The following WBP2NL variants were observed in gnomAD, a reference collection of about 807,000 sequenced individuals.
WBP2NL encodes the protein postacrosomal sheath WW domain-binding protein.
In WBP2NL, 27 loss-of-function variants were observed where a neutral mutation model predicts 23.3. The ratio of observed to expected loss-of-function variants is 1.16; its 90% CI spans 0.85 to 1.60. The LOEUF (loss-of-function observed/expected upper bound fraction) is 1.60. Among genes scored for constraint, WBP2NL ranks in the 40% most tolerant of loss-of-function variants. WBP2NL has a pLI of 0.00. For missense variants in WBP2NL, 370 were observed against 389.5 expected (o/e 0.95, Z 0.42); for synonymous variants, 151 against 145.9 (o/e 1.03, Z -0.25).
chr22:42,032,685 C>T (rs1298350419), downstream of WBP2NL: 1 of 458,348 alleles, frequency 2.2e-6, no homozygotes, highest in African/African-American at 2.0e-5. Flanking sequence ...CTGGCCTTTG[C>T]CTTGAGAGTC....
At chr22:42,011,082 C>T (rs1001187685) in intron 1 of WBP2NL, among the ~76,000 whole-genome samples, 5 of 152,134 alleles carry the variant, frequency 3.3e-5, no homozygotes, top group Non-Finnish European at 7.4e-5. Flanking sequence ...GAGATACTGA[C>T]CTGCAATTTT....
At chr22:42,004,175 G>A (rs556253508) in intron 1 of WBP2NL, among the ~76,000 whole-genome samples, 1 of 152,332 alleles carries the variant, frequency 6.6e-6, no homozygotes, top group South Asian at 2.1e-4. Context: ...GGGAGGCTAA[G>A]GCAGGAGAAT....
chr22:42,008,116 C>CCTTTCCTTTCCTTTCCTTTG (rs1569446610), intron 1 of WBP2NL, among the ~76,000 whole-genome samples: 1 of 105,730 alleles, frequency 9.5e-6, no homozygotes, highest in Non-Finnish European at 2.1e-5. Context: ...CCTTTCCTTT[C>CCTTTCCTTTCCTTTCCTTTG]CTTTGCTTTC....
intron 1 of WBP2NL, among the ~76,000 whole-genome samples, chr22:42,009,000 C>T (rs1020351336): frequency 3.9e-5 from 6 of 151,960 alleles, no homozygotes; most frequent in African/African-American, 7.3e-5. Context: ...AGGATGGTCT[C>T]GATCTCCTGA....
At chr22:42,046,217 T>C (rs182863701) in intron 8 of WBP2NL, among the ~76,000 whole-genome samples, 280 of 152,310 alleles carry the variant, frequency 1.8e-3, no homozygotes, top group African/African-American at 6.5e-3. Flanking sequence ...TTTTGGAATT[T>C]GGGAAGCAGA....
chr22:42,019,418 G>C lies in WBP2NL; in HGVS notation c.170G>C (p.Arg57Pro). 7 of 1,611,490 alleles carry C rather than the reference G, an allele frequency of 4.3e-6. No individual in the cohort carries two copies. The highest frequency in any genetic ancestry group is 5.9e-6 in the Non-Finnish European group (7 of 1,178,916). ...KTGTLFLTSYRVIFITSCSIS... is the reference protein window; with the variant it reads ...KTGTLFLTSYPVIFITSCSIS... ...GGAACATTGTTTCTCACTTCATACC[G>C]GGTAATTTCTACTTCTACTTTAATC... The change falls in exon 2 of 6, where the codon CGG becomes CCG. Residue 57 changes from arginine to proline, a missense_variant and splice_region_variant. By Grantham distance (103) the Arg-to-Pro change is moderately radical. Coordinates refer to ENST00000328823, the MANE Select transcript of WBP2NL (RefSeq NM_152613.3).
chr22:42,046,807 A>G (rs143717390), intron 8 of WBP2NL, among the ~76,000 whole-genome samples: 1 of 152,200 alleles, frequency 6.6e-6, no homozygotes, highest in East Asian at 1.9e-4. Context: ...GATGCTGAGC[A>G]TGTTCTGCAC....
chr22:42,033,967 G>A (rs888538487), downstream of WBP2NL, among the ~76,000 whole-genome samples: 7 of 152,204 alleles, frequency 4.6e-5, no homozygotes, highest in South Asian at 2.1e-4. Flanking sequence ...AAGGTGTGAC[G>A]TCACCAGGGA....
chr22:42,036,935 T>G (rs1569453492), downstream of WBP2NL, among the ~76,000 whole-genome samples: 1 of 152,230 alleles, frequency 6.6e-6, no homozygotes, highest in Non-Finnish European at 1.5e-5. Context: ...TTTAGTTTGA[T>G]GTAATCCCAC....
At chr22:42,053,861 T>A (rs952577062) in intron 8 of WBP2NL, among the ~76,000 whole-genome samples, 2 of 152,214 alleles carry the variant, frequency 1.3e-5, no homozygotes, top group Non-Finnish European at 2.9e-5. Context: ...ATTTGTCTTT[T>A]TATTAAGTTG....
In WBP2NL at chr22:42,020,103, G is replaced by A; in HGVS notation, c.406+7G>A. ...GTGAAAGCTGCCTCTGCTGGTAAGT[G>A]ATGCTGATAAAGATATTAAGCACTT... On this transcript the variant is annotated splice_region_variant and intron_variant, in intron 4 of 5. Coordinates refer to ENST00000328823, the MANE Select transcript of WBP2NL (RefSeq NM_152613.3). 1 of 1,611,640 alleles carries A rather than the reference G, an allele frequency of 6.2e-7. No homozygotes were observed. Among genetic ancestry groups the A allele is most frequent in the Non-Finnish European group, 8.5e-7 (1 of 1,178,234 alleles).
At chr22:42,020,868 G>GTATATATATA (rs1335645142) in intron 4 of WBP2NL, among the ~76,000 whole-genome samples, 1 of 15,238 alleles carries the variant, frequency 6.6e-5, no homozygotes, top group Non-Finnish European at 1.0e-4. Context: ...GTGTGTGTGT[G>GTATATATATA]TATATATATA....
intron 1 of WBP2NL, among the ~76,000 whole-genome samples, chr22:42,016,071 TC>T (rs1331166342): frequency 6.6e-6 from 1 of 151,896 alleles, no homozygotes; most frequent in Non-Finnish European, 1.5e-5. Flanking sequence ...AAACTCTGCC[TC>T]CCGGGTTCAA....
chr22:42,035,552 A>T (rs965600816), downstream of WBP2NL, among the ~76,000 whole-genome samples: 11 of 152,244 alleles, frequency 7.2e-5, no homozygotes, highest in African/African-American at 2.4e-4. Flanking sequence ...AGCCAGCGTG[A>T]TGGCAGCAGC....
intron 8 of WBP2NL, among the ~76,000 whole-genome samples, chr22:42,053,076 A>G (rs1259607509): frequency 6.6e-6 from 1 of 152,234 alleles, no homozygotes; most frequent in East Asian, 1.9e-4. Flanking sequence ...CATTTCTTAT[A>G]AATGGAATAA....
At chr22:42,057,342 T>C (rs886551127) in intron 8 of WBP2NL, among the ~76,000 whole-genome samples, 10 of 152,202 alleles carry the variant, frequency 6.6e-5, no homozygotes, top group African/African-American at 2.2e-4. Context: ...ATTTCAACTA[T>C]TGTACTTTCC....
chr22:42,024,314 T>C (rs1191119634), intron 5 of WBP2NL, among the ~76,000 whole-genome samples: 1 of 152,238 alleles, frequency 6.6e-6, no homozygotes, highest in African/African-American at 2.4e-5. Context: ...GTATATAATT[T>C]TCTACGTAGA....
chr22:42,001,830 GTGATCTGCTTGCTGGCATGC>G, intron 1 of WBP2NL: 1 of 1,315,962 alleles, frequency 7.6e-7, no homozygotes. Flanking sequence ...CTTATCTGCA[GTGATCTGCTTGCTGGCATGC>G]TGCACCTGTA....
At chr22:42,057,985 C>G (rs11912142) in intron 8 of WBP2NL, among the ~76,000 whole-genome samples, 2 of 127,176 alleles carry the variant, frequency 1.6e-5, no homozygotes, top group South Asian at 2.9e-4. Context: ...GGTGCCATCT[C>G]GGCTCACTGC....
Sources: gnomAD v4.1 joint callset for allele counts (sites outside exome capture counted in the v4.1 genomes callset) on GRCh38, gnomAD v4.1.1 for gene constraint, MANE v1.5 for transcripts, NCBI Gene and HGNC (gene_info 2026-07-23, HGNC 2026-07-21) for gene names.